The following CFHR3 variants were observed in gnomAD, a reference collection of about 807,000 sequenced individuals.
CFHR3 encodes the protein complement factor H-related protein 3.
A neutral mutation model predicts 36.0 loss-of-function variants in CFHR3; 22 were observed. The observed-to-expected ratio is 0.61, with a 90% CI of 0.44 to 0.87. CFHR3 has a LOEUF of 0.87. Among genes scored for constraint, CFHR3 ranks in the 40% least tolerant of loss-of-function variants. The pLI is 0.00. For missense variants in CFHR3, 276 were observed against 401.3 expected (o/e 0.69, Z 2.67); for synonymous variants, 97 against 137.4 (o/e 0.71, Z 2.06).
intron 3 of CFHR3, among the ~76,000 whole-genome samples, chr1:196,785,682 G>A (rs1654168578): frequency 7.3e-6 from 1 of 136,076 alleles, no homozygotes; most frequent in African/African-American, 3.1e-5. Context: ...TCTCTGTATT[G>A]GTTATTCTAC....
chr1:196,775,386 ATT>A (rs1005461128), intron 1 of CFHR3, among the ~76,000 whole-genome samples: 4 of 137,048 alleles, frequency 2.9e-5, no homozygotes, highest in African/African-American at 1.2e-4. Context: ...CAAATAATAC[ATT>A]TTAAATTATG....
chr1:196,778,562 A>G (rs1183523536), intron 1 of CFHR3, among the ~76,000 whole-genome samples: 3 of 136,202 alleles, frequency 2.2e-5, no homozygotes, highest in Admixed American at 2.1e-4. Context: ...TCGTGTATGC[A>G]CCTATTTTTT....
chr1:196,786,981 C>T (rs2124857479), intron 3 of CFHR3, among the ~76,000 whole-genome samples: 1 of 137,700 alleles, frequency 7.3e-6, no homozygotes, highest in Admixed American at 7.0e-5. Flanking sequence ...TTAGTTAGTG[C>T]TCTGTTGCTT....
chr1:196,790,791 G>A (rs1654400399), intron 5 of CFHR3, among the ~76,000 whole-genome samples: 1 of 129,532 alleles, frequency 7.7e-6, no homozygotes, highest in African/African-American at 3.3e-5. Context: ...TAAAACAGAA[G>A]AAGAAGAAAA....
At position 196,794,070 on chromosome 1, in the gene CFHR3, C is replaced by T. The variant is rs1342630124; in HGVS notation, c.*557C>T. 1 of 140,708 alleles carries T rather than the reference C, an allele frequency of 7.1e-6. No homozygotes were observed. Among genetic ancestry groups the T allele is most frequent in the South Asian group, 2.3e-4 (1 of 4,256 alleles). The allele number at this position is 140,708 out of a possible 1,614,324, so 8.7% of individuals were successfully genotyped here. ...GAGAAGGTGAATTATTATCATTTTC[C>T]TGTGAAAAAAGAAAAGAGGTTTTGC... is the stretch of plus-strand genomic sequence containing the variant. On this transcript the variant is annotated 3_prime_UTR_variant, in exon 6 of 6. Transcript: ENST00000367425.
Position 196,779,219 on chromosome 1 carries a change from G to T in CFHR3, c.116G>T (p.Arg39Leu), listed in dbSNP as rs377742193. ...GGAGGTCTATTTCATGAGAATATGCGTAGACCATACTTTCCAGTAGCTGTA... is the reference window on the plus strand; with the variant it reads ...GGAGGTCTATTTCATGAGAATATGCTTAGACCATACTTTCCAGTAGCTGTA... The part of the protein sequence containing the change: ...KHGGLFHENM[R>L]RPYFPVAVGK... The change falls in exon 2 of 6, where the codon CGT becomes CTT. Residue 39 changes from arginine (R) to leucine (L), a missense_variant. Physicochemically the swap from Arg to Leu is moderately radical, Grantham distance 102. Coordinates refer to ENST00000367425, the MANE Select transcript of CFHR3 (RefSeq NM_021023.6). The T allele has an allele frequency of 2.0e-6, 3 of 1,529,390 alleles. No homozygotes were observed. The highest frequency in any genetic ancestry group is 2.7e-6 in the Non-Finnish European group (3 of 1,130,144). 94.7% of individuals were successfully genotyped at this position (1,529,390 alleles called of 1,614,324 possible).
Position 196,795,374 on chromosome 1 carries a change from G to C in CFHR3, c.*1861G>C, listed in dbSNP as rs1255873621. The C allele has an allele frequency of 7.3e-6, 1 of 137,152 alleles. No homozygotes were observed. The highest frequency in any genetic ancestry group is 1.5e-5 in the Non-Finnish European group (1 of 64,720). 8.5% of individuals were successfully genotyped at this position (137,152 alleles called of 1,614,324 possible). A position where few individuals can be genotyped will look rare whatever the true frequency, so the allele number is the denominator to read the frequency against. ...GAGGCCTTCCCAGCAATGTGGAACT[G>C]TGAGTCCATTAAACCTCTTTCCTTT... On this transcript the variant is annotated 3_prime_UTR_variant, in exon 6 of 6. Coordinates refer to ENST00000367425, the MANE Select transcript of CFHR3 (RefSeq NM_021023.6).
At chr1:196,785,545 T>A (rs1654162142) in intron 3 of CFHR3, among the ~76,000 whole-genome samples, 1 of 136,608 alleles carries the variant, frequency 7.3e-6, no homozygotes, top group African/African-American at 3.1e-5. Flanking sequence ...TCGCTTCATT[T>A]CATTCATTTC....
In CFHR3 at chr1:196,793,774, T is replaced by C. The variant is rs1383883892; in HGVS notation, c.*261T>C. The C allele has an allele frequency of 1.3e-5, 4 of 317,608 alleles. No homozygotes were observed. The highest frequency in any genetic ancestry group is 1.1e-4 in the South Asian group (3 of 26,734). 19.7% of individuals were successfully genotyped at this position (317,608 alleles called of 1,614,324 possible). A position where few individuals can be genotyped will look rare whatever the true frequency, so the allele number is the denominator to read the frequency against. On this transcript the variant is annotated 3_prime_UTR_variant, in exon 6 of 6. Transcript: ENST00000367425. ...CTTCTTATCAATGAATTAGTAAGTA[T>C]AGAGACAGACAGCTGAATGGCTTTC...
intron 1 of CFHR3, among the ~76,000 whole-genome samples, chr1:196,777,863 T>C (rs1653788761): frequency 7.7e-6 from 1 of 130,032 alleles, no homozygotes; most frequent in Non-Finnish European, 1.6e-5. Context: ...GGCACACACC[T>C]GCAATCCCAG....
intron 1 of CFHR3, among the ~76,000 whole-genome samples, chr1:196,775,351 T>C (rs1653668274): frequency 7.3e-6 from 1 of 136,848 alleles, no homozygotes; most frequent in Non-Finnish European, 1.6e-5. Context: ...TATGGTGATT[T>C]TTATAGATTT....
intron 5 of CFHR3, among the ~76,000 whole-genome samples, chr1:196,791,002 C>G (rs1275119713): frequency 7.4e-6 from 1 of 135,904 alleles, no homozygotes; most frequent in East Asian, 2.0e-4. Flanking sequence ...TTCAAAAAAC[C>G]ACAAACTATT....
At position 196,775,673 on chromosome 1, in the gene CFHR3, T is replaced by C. The variant is rs1653687279; in HGVS notation, c.58+729T>C. 1.5e-5 allele frequency among the ~76,000 whole-genome samples: 2 copies of C among 137,232 alleles called. 1 individual carries two copies. Among genetic ancestry groups the C allele is most frequent in the Non-Finnish European group, 3.1e-5 (2 of 64,514 alleles). 90.0% of individuals were successfully genotyped at this position (137,232 alleles called of 152,430 possible). ...ATATATTTTCTGTATTAATTATCTT[T>C]TTGAATGCAGGCCTTGCATATTAAA... On this transcript the variant is annotated intron_variant, in intron 1 of 5. Coordinates refer to ENST00000367425, the MANE Select transcript of CFHR3 (RefSeq NM_021023.6).
At chr1:196,787,164 T>C (rs1654239314) in intron 3 of CFHR3, among the ~76,000 whole-genome samples, 1 of 137,330 alleles carries the variant, frequency 7.3e-6, no homozygotes, top group African/African-American at 3.0e-5. Context: ...TACACCATTA[T>C]AGGAGCAACT....
In CFHR3 at chr1:196,794,616, A is replaced by ATT. The variant is rs555291907; in HGVS notation, c.*1111_*1112dup. The ATT allele has an allele frequency of 1.1e-5, 4 of 378,558 alleles. No individual in the cohort carries two copies. Among genetic ancestry groups the ATT allele is most frequent in the Admixed American group, 3.3e-5 (1 of 30,662 alleles). The allele number at this position is 378,558 out of a possible 1,614,324, so 23.4% of individuals were successfully genotyped here. A position where few individuals can be genotyped will look rare whatever the true frequency, so the allele number is the denominator to read the frequency against. The stretch of plus-strand genomic sequence containing the variant: ...CATTTCTTATTAAGTTTTGCTTCAG[A>ATT]TTTTTTTTTGTCTTTTCTCCTGTTA... On this transcript the variant is annotated 3_prime_UTR_variant, in exon 6 of 6. Transcript: ENST00000367425.
chr1:196,784,324 T>A (rs1654095429), intron 3 of CFHR3, among the ~76,000 whole-genome samples: 1 of 136,226 alleles, frequency 7.3e-6, no homozygotes, highest in Non-Finnish European at 1.6e-5. Context: ...TAGGTCCGCT[T>A]GGTGCAGAGC....
intron 5 of CFHR3, among the ~76,000 whole-genome samples, chr1:196,790,671 T>C (rs1322123815): frequency 2.2e-5 from 3 of 133,338 alleles, no homozygotes; most frequent in Non-Finnish European, 3.1e-5. Context: ...TTGCAGTGAG[T>C]GGAGATTGCA....
At chr1:196,775,146 A>G (rs1352887497) in intron 1 of CFHR3, among the ~76,000 whole-genome samples, 1 of 137,400 alleles carries the variant, frequency 7.3e-6, no homozygotes, top group Non-Finnish European at 1.6e-5. Flanking sequence ...AAAAATGAAT[A>G]ATGTTTTATT....
At position 196,788,636 on chromosome 1, in the gene CFHR3, T is replaced by G. The variant is rs1654303708; in HGVS notation, c.613+238T>G. ...AATCTGCCTTTACATAAAAGCAATC[T>G]TATCATGTACAGACTAGTTAGGGAG... is the stretch of plus-strand genomic sequence containing the variant. On this transcript the variant is annotated intron_variant, in intron 4 of 5. Transcript: ENST00000367425. 6.5e-6 allele frequency: 9 copies of G among 1,383,112 alleles called. No homozygotes were observed. The East Asian group carries it at 2.2e-4, about 34-fold the overall frequency. The allele number at this position is 1,383,112 out of a possible 1,614,324, so 85.7% of individuals were successfully genotyped here. A position where few individuals can be genotyped will look rare whatever the true frequency, so the allele number is the denominator to read the frequency against.
Sources: gnomAD v4.1 joint callset for allele counts (sites outside exome capture counted in the v4.1 genomes callset) on GRCh38, gnomAD v4.1.1 for gene constraint, MANE v1.5 for transcripts, NCBI Gene and HGNC (gene_info 2026-07-23, HGNC 2026-07-21) for gene names.